The following GRIK3 variants were observed in gnomAD, a reference collection of about 807,000 sequenced individuals.
GRIK3 encodes glutamate receptor ionotropic, kainate 3.
In GRIK3, 29 loss-of-function variants were observed where a neutral mutation model predicts 102.5. The observed-to-expected ratio is 0.28, with a 90% CI of 0.21 to 0.39. The LOEUF (loss-of-function observed/expected upper bound fraction) is 0.39. GRIK3 is among the 10% of genes least tolerant of loss of function. The pLI is 1.00. For missense variants in GRIK3, 908 were observed against 1,252.4 expected (o/e 0.73, Z 4.15); for synonymous variants, 511 against 504.9 (o/e 1.01, Z -0.16).
At chr1:36,875,469 G>T (rs1640903398) in intron 3 of GRIK3, among the ~76,000 whole-genome samples, 1 of 152,212 alleles carries the variant, frequency 6.6e-6, no homozygotes, top group Non-Finnish European at 1.5e-5. Context: ...CTCCAATTGG[G>T]CTCACCCATG....
intron 1 of GRIK3, among the ~76,000 whole-genome samples, chr1:36,941,229 G>A (rs1457385822): frequency 6.6e-6 from 1 of 152,206 alleles, no homozygotes; most frequent in Non-Finnish European, 1.5e-5. Flanking sequence ...TGATCCCTGA[G>A]CCAGGACACA....
rs112384821 is a variant in GRIK3, at chr1:36,889,257, G to A, written c.292+1663C>T. Among the ~76,000 whole-genome samples, 713 of 151,810 alleles carry A rather than the reference G, an allele frequency of 4.7e-3. 9 individuals are homozygous for A. The highest frequency in any genetic ancestry group is 0.017 in the African/African-American group (687 of 41,412). On this transcript the variant is annotated intron_variant, in intron 2 of 15. Coordinates refer to ENST00000373091, the MANE Select transcript of GRIK3 (RefSeq NM_000831.4). ...AGTTTGAGAAGAGAAGGATGAGTTG[G>A]CCAGGCAAAGGGCAGGAGAGGGTGG...
At chr1:37,001,347 A>G (rs983664194) in intron 1 of GRIK3, among the ~76,000 whole-genome samples, 1 of 152,214 alleles carries the variant, frequency 6.6e-6, no homozygotes, top group Non-Finnish European at 1.5e-5. Flanking sequence ...TGTCCTCTCA[A>G]ATTTAACAAG....
chr1:37,026,471 C>A (rs1410375584), intron 1 of GRIK3, among the ~76,000 whole-genome samples: 1 of 152,216 alleles, frequency 6.6e-6, no homozygotes, highest in Admixed American at 6.5e-5. Context: ...AGCCTCAGAG[C>A]TCAGAGTCGG....
intron 15 of GRIK3, 125 bp downstream of exon 15, chr1:36,804,862 T>G (rs1642480396): frequency 3.2e-6 from 4 of 1,259,584 alleles, no homozygotes; most frequent in Non-Finnish European, 4.4e-6. Flanking sequence ...GCTGGCCGAC[T>G]GGATGCAGGG....
intron 2 of GRIK3, among the ~76,000 whole-genome samples, chr1:36,890,254 G>A (rs1460048492): frequency 6.6e-6 from 1 of 152,148 alleles, no homozygotes; most frequent in Non-Finnish European, 1.5e-5. Context: ...CTTAAGGTCA[G>A]GAGTTCAAGA....
At position 37,012,916 on chromosome 1, in the gene GRIK3, G is replaced by GCAGA. The variant is rs201838076; in HGVS notation, c.115+21074_115+21077dup. ...GCAAGTCAAAGAGAATTCCACTACT[G>GCAGA]CAGACGGTGGTTTCTCTTCCTGGGA... is the stretch of plus-strand genomic sequence containing the variant. On this transcript the variant is annotated intron_variant, in intron 1 of 15. Transcript: ENST00000373091. 1.9e-3 allele frequency among the ~76,000 whole-genome samples: 282 copies of GCAGA among 152,336 alleles called. 5 individuals carry two copies. The East Asian group carries it at 0.045, about 24-fold the overall frequency.
chr1:36,939,634 T>C (rs188486399), intron 1 of GRIK3, among the ~76,000 whole-genome samples: 5 of 152,382 alleles, frequency 3.3e-5, no homozygotes, highest in East Asian at 1.9e-4. Context: ...GGTAGAAAAC[T>C]ACAAAGAGTA....
chr1:36,805,889 T>C (rs1642492980), intron 14 of GRIK3, among the ~76,000 whole-genome samples: 1 of 119,040 alleles, frequency 8.4e-6, no homozygotes, highest in Non-Finnish European at 1.6e-5. Flanking sequence ...TGAACCGAGA[T>C]CATGCCACTG....
intron 1 of GRIK3, among the ~76,000 whole-genome samples, chr1:37,021,950 C>T (rs534678269): frequency 6.6e-6 from 1 of 152,282 alleles, no homozygotes; most frequent in Non-Finnish European, 1.5e-5. Flanking sequence ...ACTGTTGAGC[C>T]CCAGTTTGAG....
Position 36,964,190 on chromosome 1 carries a change from G to C in GRIK3, c.115+69804C>G, listed in dbSNP as rs146467886. Among the ~76,000 whole-genome samples, 1,209 of 152,342 alleles carry C rather than the reference G, an allele frequency of 7.9e-3. 6 individuals carry two copies. Among genetic ancestry groups the C allele is most frequent in the Non-Finnish European group, 0.013 (869 of 68,020 alleles). ...GAGGTCTGGCACAGATGGACCAACT[G>C]TGTTGGGCTGCTGTACTCCTCTGGA... On this transcript the variant is annotated intron_variant, in intron 1 of 15. Coordinates refer to ENST00000373091, the MANE Select transcript of GRIK3 (RefSeq NM_000831.4).
chr1:36,859,955 C>G lies in GRIK3; in HGVS notation c.849G>C (p.Arg283=). The change falls in exon 6 of 16, where the codon CGG becomes CGC. Residue 283 remains arginine, a synonymous_variant. Transcript: ENST00000373091. ...RYSGVNLTGF[R]ILNVDNPHVS... is the part of the protein sequence containing the mutation. ...CGTGTGGGTTGTCCACATTGAGAAT[C>G]CGGAATCCTGTCAGGTTCACGCCTG... 6.2e-7 allele frequency: 1 copy of G among 1,613,416 alleles called. No individual in the cohort carries two copies. Among genetic ancestry groups the G allele is most frequent in the Non-Finnish European group, 8.5e-7 (1 of 1,179,576 alleles).
At chr1:37,001,500 G>A (rs907010856) in intron 1 of GRIK3, among the ~76,000 whole-genome samples, 1 of 152,120 alleles carries the variant, frequency 6.6e-6, no homozygotes, top group South Asian at 2.1e-4. Context: ...CCTGCTCATG[G>A]TGGGGACCTG....
intron 1 of GRIK3, among the ~76,000 whole-genome samples, chr1:36,911,299 C>T (rs1641343240): frequency 6.6e-6 from 1 of 152,160 alleles, no homozygotes; most frequent in African/African-American, 2.4e-5. Flanking sequence ...CAGAAGGCAC[C>T]ACTTCCCAGC....
Position 36,805,006 on chromosome 1 carries a change from T to C in GRIK3, c.2546A>G (p.Lys849Arg), listed in dbSNP as rs775145930. The change falls in exon 15 of 16, where the codon AAA (lysine) becomes AGA (arginine). Residue 849 changes from lysine to arginine, a missense_variant. Physicochemically the swap from Lys to Arg is conservative, Grantham distance 26 (BLOSUM62 2). Around this residue, in one of 3 missense-constraint regions of GRIK3, gnomAD observed 297 missense variants for 362.7 expected, o/e 0.82. Transcript: ENST00000373091. Reference protein sequence around the residue: ...AVGEFVYKLRKTAEREQRSFC... With the variant: ...AVGEFVYKLRRTAEREQRSFC... The stretch of plus-strand genomic sequence containing the variant: ...GCTTACCTGCTCTCTCTCTGCTGTT[T>C]TGCGGAGCTTGTACACAAACTCGCC... The C allele has an allele frequency of 3.1e-6, 5 of 1,614,106 alleles. No individual in the cohort carries two copies. Among genetic ancestry groups the C allele is most frequent in the South Asian group, 1.1e-5 (1 of 91,090 alleles).
intron 1 of GRIK3, among the ~76,000 whole-genome samples, chr1:36,993,528 G>A (rs979064194): frequency 9.2e-5 from 14 of 152,190 alleles, no homozygotes; most frequent in African/African-American, 3.4e-4. Flanking sequence ...GAGCATTTGG[G>A]AGGATAAAAC....
At chr1:36,843,894 C>A (rs1186123911) in intron 9 of GRIK3, among the ~76,000 whole-genome samples, 4 of 152,362 alleles carry the variant, frequency 2.6e-5, no homozygotes, top group African/African-American at 9.6e-5. Flanking sequence ...AAGGCACATG[C>A]TTAACTATGG....
intron 2 of GRIK3, among the ~76,000 whole-genome samples, chr1:36,889,249 A>C (rs906400929): frequency 6.6e-6 from 1 of 151,614 alleles, no homozygotes; most frequent in Admixed American, 6.6e-5. Flanking sequence ...GAAGAGAAGG[A>C]TGAGTTGGCC....
chr1:36,819,714 G>C lies in GRIK3; in HGVS notation c.1873+22C>G. The stretch of plus-strand genomic sequence containing the variant: ...GGGGAAAGCAGACCCTGGAAGGGGA[G>C]GCCCTGGGAGAGGGTGCATACCTTG... On this transcript the variant is annotated intron_variant, in intron 12 of 15. Coordinates refer to ENST00000373091, the MANE Select transcript of GRIK3 (RefSeq NM_000831.4). The surrounding 1 kb of genome is among the most constrained non-coding windows in gnomAD (Gnocchi z 4.1). 8.3e-7 allele frequency: 1 copy of C among 1,210,896 alleles called. No homozygotes were observed. Among genetic ancestry groups the C allele is most frequent in the Non-Finnish European group, 1.2e-6 (1 of 811,898 alleles). The allele number at this position is 1,210,896 out of a possible 1,614,324, so 75.0% of individuals were successfully genotyped here. A position where few individuals can be genotyped will look rare whatever the true frequency, so the allele number is the denominator to read the frequency against.
Sources: allele counts gnomAD v4.1 joint callset (sites outside exome capture counted in the v4.1 genomes callset), GRCh38; gene constraint gnomAD v4.1.1; regional missense constraint gnomAD v4.1.1; non-coding constraint Gnocchi (gnomAD v3.1); transcripts MANE v1.5; gene names NCBI Gene and HGNC (gene_info 2026-07-23, HGNC 2026-07-21).